SLCO5A1: variants seen among roughly 807,000 people sequenced by gnomAD.
SLCO5A1 encodes the protein organic anion transporter polypeptide-related protein 4.
Under a neutral mutation model 65.1 loss-of-function variants are expected in SLCO5A1, and 39 were observed. That is an observed-to-expected ratio of 0.60 (90% CI 0.46 to 0.78). The LOEUF (loss-of-function observed/expected upper bound fraction) is 0.78, where lower values mean the gene tolerates loss of function less well. Among genes scored for constraint, SLCO5A1 ranks in the 30% least tolerant of loss-of-function variants. SLCO5A1 has a pLI of 0.00. For missense variants in SLCO5A1, 1,029 were observed against 1,069.4 expected (o/e 0.96, Z 0.53); for synonymous variants, 438 against 415.7 (o/e 1.05, Z -0.65).
intron 2 of SLCO5A1, among the ~76,000 whole-genome samples, chr8:69,784,827 GAAA>G (rs1818948307): frequency 8.1e-6 from 1 of 123,418 alleles, no homozygotes; most frequent in Non-Finnish European, 1.7e-5. Context: ...AAGAAAGAAA[GAAA>G]GAAAGAAAGA....
At chr8:69,754,817 T>C (rs918321987) in intron 4 of SLCO5A1, among the ~76,000 whole-genome samples, 8 of 152,170 alleles carry the variant, frequency 5.3e-5, no homozygotes, top group South Asian at 4.2e-4. Flanking sequence ...ACCTTCTGGA[T>C]GCTTTTACAC....
rs1820464123 is a variant in SLCO5A1, at chr8:69,817,695, G to T, written c.907+14072C>A. Among the ~76,000 whole-genome samples, 3 of 152,162 alleles carry T rather than the reference G, an allele frequency of 2.0e-5. No individual in the cohort carries two copies. The South Asian group carries it at 6.2e-4, about 31-fold the overall frequency. On this transcript the variant is annotated intron_variant, in intron 2 of 9. Transcript: ENST00000260126. ...TCTTGGCTTGAATAGTACCCCTGGAGAGAACCTCAGCCAACCAGGCCAGTA... is the reference window on the plus strand; with the variant it reads ...TCTTGGCTTGAATAGTACCCCTGGATAGAACCTCAGCCAACCAGGCCAGTA...
At chr8:69,740,236 A>G (rs1816738040) in intron 4 of SLCO5A1, among the ~76,000 whole-genome samples, 1 of 152,162 alleles carries the variant, frequency 6.6e-6, no homozygotes, top group Non-Finnish European at 1.5e-5. Context: ...CTTTCAGCCT[A>G]CAGCCCTCCA....
intron 2 of SLCO5A1, among the ~76,000 whole-genome samples, chr8:69,823,745 G>A (rs1820751441): frequency 6.6e-6 from 1 of 152,140 alleles, no homozygotes; most frequent in Non-Finnish European, 1.5e-5. Flanking sequence ...AGGATACCCA[G>A]GAATTGAACT....
At chr8:69,806,125 T>A (rs1819979066) in intron 2 of SLCO5A1, among the ~76,000 whole-genome samples, 1 of 152,238 alleles carries the variant, frequency 6.6e-6, no homozygotes, top group African/African-American at 2.4e-5. Context: ...GTGCCTGAGA[T>A]GATTATGATG....
chr8:69,697,562 C>A (rs1434144838), intron 6 of SLCO5A1, among the ~76,000 whole-genome samples: 2 of 152,002 alleles, frequency 1.3e-5, no homozygotes, highest in Admixed American at 6.5e-5. Flanking sequence ...AGTGGGGGGA[C>A]AGCGGGCTCC....
At position 69,722,776 on chromosome 8, in the gene SLCO5A1, G is replaced by GGTGTGTGTGT. The variant is rs56353428; in HGVS notation, c.1423+15254_1423+15263dup. Among the ~76,000 whole-genome samples the GGTGTGTGTGT allele has an allele frequency of 8.4e-3, 1,247 of 148,112 alleles. 8 individuals carry two copies. The highest frequency in any genetic ancestry group is 0.021 in the Middle Eastern group (6 of 288). On this transcript the variant is annotated intron_variant, in intron 5 of 9. Transcript: ENST00000260126. ...TGATGAGATTTGTTAACACATGCAT[G>GGTGTGTGTGT]GTGTGTGTGTGTGTGTGTGTGTGTG...
chr8:69,810,627 A>C (rs16936449), intron 2 of SLCO5A1, among the ~76,000 whole-genome samples: 1 of 152,180 alleles, frequency 6.6e-6, no homozygotes, highest in Non-Finnish European at 1.5e-5. Flanking sequence ...TAGAAAAATC[A>C]ATTAATGAGG....
chr8:69,819,597 A>C (rs576606449), intron 2 of SLCO5A1, among the ~76,000 whole-genome samples: 1 of 152,270 alleles, frequency 6.6e-6, no homozygotes, highest in South Asian at 2.1e-4. Context: ...CCTCTTTAAA[A>C]TCCCAACAAA....
chr8:69,817,411 C>A (rs980126390), intron 2 of SLCO5A1, among the ~76,000 whole-genome samples: 8 of 152,234 alleles, frequency 5.3e-5, no homozygotes, highest in Middle Eastern at 3.4e-3. Flanking sequence ...GGCTTGCTTC[C>A]GCCTCTTGGC....
rs75988125 is a variant in SLCO5A1, at chr8:69,778,931, C to T, written c.908-17056G>A. Among the ~76,000 whole-genome samples the T allele has an allele frequency of 5.3e-5, 8 of 152,238 alleles. No homozygotes were observed. In the East Asian group the frequency reaches 1.5e-3, roughly 29 times the overall value. The stretch of plus-strand genomic sequence containing the variant: ...TACTTCAAGATGACTTCTTATAGGC[C>T]AAACTATTATAACAATTCAAGGGTT... On this transcript the variant is annotated intron_variant, in intron 2 of 9. Transcript: ENST00000260126.
At chr8:69,676,770 G>T in intron 8 of SLCO5A1, 97 bp from the exon 9 acceptor site, 1 of 899,996 alleles carries the variant, frequency 1.1e-6, no homozygotes, top group Non-Finnish European at 1.7e-6. Context: ...AGGGACTAAA[G>T]ATGCCATGCC....
In SLCO5A1 at chr8:69,704,560, G is replaced by T. The variant is rs565271421; in HGVS notation, c.1622+471C>A. Among the ~76,000 whole-genome samples, 9 of 152,246 alleles carry T rather than the reference G, an allele frequency of 5.9e-5. No homozygotes were observed. The East Asian group carries it at 1.4e-3, about 23-fold the overall frequency. On this transcript the variant is annotated intron_variant, in intron 6 of 9. Transcript: ENST00000260126. ...CAATGTCTTAAATAAAGAAGCCTTG[G>T]AAGGATATGCAAAAAAATGAATGAA...
chr8:69,803,799 C>T (rs1270325200), intron 2 of SLCO5A1, among the ~76,000 whole-genome samples: 1 of 152,026 alleles, frequency 6.6e-6, no homozygotes, highest in African/African-American at 2.4e-5. Flanking sequence ...ACCACCTGGG[C>T]AACATAGCAA....
At chr8:69,718,094 TAA>T (rs1277334467) in intron 5 of SLCO5A1, among the ~76,000 whole-genome samples, 1 of 152,226 alleles carries the variant, frequency 6.6e-6, no homozygotes, top group Non-Finnish European at 1.5e-5. Flanking sequence ...TTTCAGAATA[TAA>T]GTTTTACATT....
chr8:69,692,216 T>C (rs891012543), intron 6 of SLCO5A1, among the ~76,000 whole-genome samples: 2 of 152,114 alleles, frequency 1.3e-5, no homozygotes, highest in African/African-American at 4.8e-5. Flanking sequence ...GCCACTGCAC[T>C]CCAGCGTGGG....
rs4738019 is a variant in SLCO5A1, at chr8:69,667,389, T to C, written c.*5480A>G. Reference sequence around the variant, plus strand: ...TTAAACAAAAGAGTCAGAGCCTGACTTGCCTGTTTCAGGATTCTAAATTAA... The same window carrying C: ...TTAAACAAAAGAGTCAGAGCCTGACCTGCCTGTTTCAGGATTCTAAATTAA... On this transcript the variant is annotated 3_prime_UTR_variant, in exon 10 of 10. Coordinates refer to ENST00000260126, the MANE Select transcript of SLCO5A1 (RefSeq NM_030958.3). The C allele has an allele frequency of 0.93, 141,791 of 152,256 alleles. 66,097 individuals carry two copies. Among genetic ancestry groups the C allele is most frequent in the East Asian group, 0.98 (5,081 of 5,182 alleles). The allele number at this position is 152,256 out of a possible 1,614,324, so 9.4% of individuals were successfully genotyped here.
intron 4 of SLCO5A1, among the ~76,000 whole-genome samples, chr8:69,748,392 G>A (rs918392989): frequency 2.0e-5 from 3 of 152,140 alleles, no homozygotes; most frequent in Non-Finnish European, 4.4e-5. Flanking sequence ...CTTTTTCAGG[G>A]TTTCTCTGCC....
chr8:69,755,758 T>A, intron 3 of SLCO5A1, 117 bp from the exon 4 acceptor site: 1 of 793,758 alleles, frequency 1.3e-6, no homozygotes, highest in Non-Finnish European at 2.0e-6. Context: ...TGTAATCAAC[T>A]GTAAAGCAGT....
Sources: gnomAD v4.1 joint callset for allele counts (sites outside exome capture counted in the v4.1 genomes callset) on GRCh38, gnomAD v4.1.1 for gene constraint, MANE v1.5 for transcripts, NCBI Gene and HGNC (gene_info 2026-07-23, HGNC 2026-07-21) for gene names.